VPS13D: variants seen among roughly 807,000 people sequenced by gnomAD.
VPS13D encodes the protein vacuolar protein sorting 13 homolog D, also known as intermembrane lipid transfer protein VPS13D.
In VPS13D, 187 loss-of-function variants were observed where a neutral mutation model predicts 461.9. That is an observed-to-expected ratio of 0.40 (90% CI 0.36 to 0.46). VPS13D has a LOEUF of 0.46. Ranked by LOEUF, VPS13D falls within the 20% of genes least tolerant of loss-of-function variation. The probability of loss-of-function intolerance (pLI) is 0.60; values close to 1 mark genes in which losing one functional copy is unlikely to be tolerated. For missense variants in VPS13D, 4,711 were observed against 5,364.9 expected, an observed-to-expected ratio of 0.88 and a Z score of 3.81; for synonymous variants, 1,951 against 1,986.3, an observed-to-expected ratio of 0.98 and a Z score of 0.47.
In VPS13D at chr1:12,510,503, C is replaced by G. The variant is rs1029459131; in HGVS notation, c.*1479C>G. 2 of 152,188 alleles carry G rather than the reference C, an allele frequency of 1.3e-5. No homozygotes were observed. Among genetic ancestry groups the G allele is most frequent in the African/African-American group, 4.9e-5 (2 of 41,190 alleles). The allele number at this position is 152,188 out of a possible 1,614,324, so 9.4% of individuals were successfully genotyped here. On this transcript the variant is annotated 3_prime_UTR_variant, in exon 70 of 70. Coordinates refer to ENST00000620676, the MANE Select transcript of VPS13D (RefSeq NM_015378.4). The stretch of plus-strand genomic sequence containing the variant: ...TCTTCTTCCCCTCCCTTTCCTCTCC[C>G]ACTTCCCCTCTGTGTCTGTGTCTGT...
chr1:12,450,470 T>A (rs1645248527), intron 65 of VPS13D, among the ~76,000 whole-genome samples: 1 of 152,200 alleles, frequency 6.6e-6, no homozygotes, highest in African/African-American at 2.4e-5. Flanking sequence ...TAACTTACAA[T>A]TTTTTGACTT....
chr1:12,243,444 T>A (rs1640445284), intron 3 of VPS13D, among the ~76,000 whole-genome samples: 1 of 152,150 alleles, frequency 6.6e-6, no homozygotes, highest in Non-Finnish European at 1.5e-5. Flanking sequence ...CTTGGCTAAA[T>A]TTCTGAATTT....
At chr1:12,232,753 T>C (rs1371146223) in intron 1 of VPS13D, among the ~76,000 whole-genome samples, 1 of 151,074 alleles carries the variant, frequency 6.6e-6, no homozygotes, top group Non-Finnish European at 1.5e-5. Flanking sequence ...TTCTGGAGTT[T>C]GGGGTTTGTA....
intron 36 of VPS13D, among the ~76,000 whole-genome samples, chr1:12,328,986 T>A (rs1334901516): frequency 6.6e-6 from 1 of 152,220 alleles, no homozygotes; most frequent in African/African-American, 2.4e-5. Context: ...TTACAGAGCT[T>A]GCCCTTTCCC....
chr1:12,284,848 G>C (rs1217370488), intron 21 of VPS13D, among the ~76,000 whole-genome samples: 1 of 152,240 alleles, frequency 6.6e-6, no homozygotes, highest in East Asian at 1.9e-4. Flanking sequence ...CTTGTTCAGT[G>C]TCTGGTGAAT....
chr1:12,424,845 G>C (rs1281688177), intron 65 of VPS13D, among the ~76,000 whole-genome samples: 2 of 152,104 alleles, frequency 1.3e-5, no homozygotes, highest in Non-Finnish European at 2.9e-5. Context: ...CAAAACTGGA[G>C]CCTGTGTGGT....
At chr1:12,258,578 G>A (rs1339816717) in intron 10 of VPS13D, among the ~76,000 whole-genome samples, 1 of 152,222 alleles carries the variant, frequency 6.6e-6, no homozygotes, top group East Asian at 1.9e-4. Context: ...TCATGTTTTA[G>A]TTAATAGTAG....
Position 12,273,049 on chromosome 1 carries a change from A to G in VPS13D, c.2150A>G (p.Gln717Arg). 6.2e-7 allele frequency: 1 copy of G among 1,614,120 alleles called. No homozygotes were observed. Among genetic ancestry groups the G allele is most frequent in the Non-Finnish European group, 8.5e-7 (1 of 1,179,986 alleles). The stretch of plus-strand genomic sequence containing the variant: ...GTGCGGCTGGATATTTCTGCCCCTC[A>G]GGTGATATTTCCTGATGATTTCAAA... ...WTVRLDISAP[Q>R]VIFPDDFKFK... Residue 717 changes from glutamine to arginine, a missense_variant, in exon 18 of 70, where the codon CAG becomes CGG. Around this residue, in one of 3 missense-constraint regions of VPS13D, gnomAD observed 4,411 missense variants for 4,937.8 expected, o/e 0.89. Transcript: ENST00000620676.
chr1:12,272,696 C>T (rs1369331624), intron 17 of VPS13D, among the ~76,000 whole-genome samples: 1 of 152,090 alleles, frequency 6.6e-6, no homozygotes, highest in Non-Finnish European at 1.5e-5. Context: ...TATTTGAATT[C>T]TATAATTTCT....
intron 57 of VPS13D, 83 bp downstream of exon 57, chr1:12,379,679 G>T: frequency 1.1e-6 from 1 of 951,604 alleles, no homozygotes; most frequent in East Asian, 2.7e-5. Context: ...TATACATGAT[G>T]AATTGTTCAG....
At chr1:12,480,753 A>T (rs1394807906) in intron 67 of VPS13D, among the ~76,000 whole-genome samples, 2 of 152,176 alleles carry the variant, frequency 1.3e-5, no homozygotes, top group African/African-American at 2.4e-5. Flanking sequence ...ACTAACTGGG[A>T]TTTATGGAAA....
Position 12,276,053 on chromosome 1 carries a change from T to C in VPS13D, c.2465T>C (p.Met822Thr), listed in dbSNP as rs774366657. Residue 822 changes from methionine (M) to threonine (T), a missense_variant, in exon 19 of 70, where the codon ATG becomes ACG. This residue lies in a region of VPS13D where 4,411 missense variants were observed against 4,937.8 expected (regional missense o/e 0.89). Transcript: ENST00000620676. The surrounding 1 kb of genome is among the most constrained non-coding windows in gnomAD (Gnocchi z 4.5). ...KMYERYSLSF[M>T]DLQIMVGRVK... Reference sequence around the variant, plus strand: ...TATGAGAGGTACTCGCTGTCATTTATGGACCTCCAGATCATGGTTGGACGA... The same window carrying C: ...TATGAGAGGTACTCGCTGTCATTTACGGACCTCCAGATCATGGTTGGACGA... 6.2e-7 allele frequency: 1 copy of C among 1,614,170 alleles called. No individual in the cohort carries two copies. Among genetic ancestry groups the C allele is most frequent in the Non-Finnish European group, 8.5e-7 (1 of 1,180,036 alleles).
intron 52 of VPS13D, among the ~76,000 whole-genome samples, chr1:12,365,680 G>C (rs1360474296): frequency 6.6e-6 from 1 of 151,010 alleles, no homozygotes; most frequent in Non-Finnish European, 1.5e-5. Flanking sequence ...CTCTAGCCTG[G>C]GTGACAGAGT....
intron 39 of VPS13D, 153 bp from the exon 40 acceptor site, chr1:12,338,078 G>A (rs753708603): frequency 4.9e-6 from 3 of 612,180 alleles, no homozygotes; most frequent in South Asian, 4.3e-5. Flanking sequence ...TACATTCGTA[G>A]TGCTTAGTAA....
Position 12,230,135 on chromosome 1 carries a change from G to T in VPS13D, c.-77+15G>T, listed in dbSNP as rs1486240741. The T allele has an allele frequency of 3.9e-5, 6 of 151,916 alleles. No homozygotes were observed. The highest frequency in any genetic ancestry group is 6.6e-5 in the Admixed American group (1 of 15,252). 9.4% of individuals were successfully genotyped at this position (151,916 alleles called of 1,614,324 possible). The stretch of plus-strand genomic sequence containing the variant: ...GACACCGACAGGTAGGGGCCGAGCG[G>T]CTCCGTGCCGGGCGGGGCCAGGGTC... On this transcript the variant is annotated intron_variant, in intron 1 of 69. Coordinates refer to ENST00000620676, the MANE Select transcript of VPS13D (RefSeq NM_015378.4).
In VPS13D at chr1:12,244,043, A is replaced by G. The variant is rs1220623173; in HGVS notation, c.176-203A>G. On this transcript the variant is annotated intron_variant, in intron 3 of 69. Transcript: ENST00000620676. ...TCTTCGCGAACTTTTTCCAGCTTATATAAGTCATTATACCTTATTCTTACA... is the reference window on the plus strand; with the variant it reads ...TCTTCGCGAACTTTTTCCAGCTTATGTAAGTCATTATACCTTATTCTTACA... Among the ~76,000 whole-genome samples the G allele has an allele frequency of 3.3e-5, 5 of 152,202 alleles. No homozygotes were observed. In the East Asian group the frequency reaches 7.7e-4, roughly 23 times the overall value.
Position 12,463,594 on chromosome 1 carries a change from A to C in VPS13D, c.12662+3198A>C, listed in dbSNP as rs186421117. 6.2e-4 allele frequency among the ~76,000 whole-genome samples: 95 copies of C among 152,114 alleles called. No homozygotes were observed. The East Asian group carries it at 0.013, about 21-fold the overall frequency. On this transcript the variant is annotated intron_variant, in intron 67 of 69. Coordinates refer to ENST00000620676, the MANE Select transcript of VPS13D (RefSeq NM_015378.4). ...AATGCCCCCATCTCTTACAAAAAAA[A>C]AAACAAACCTGGATATGGTGGCGGG...
intron 65 of VPS13D, among the ~76,000 whole-genome samples, chr1:12,442,834 C>T (rs897210458): frequency 1.3e-5 from 2 of 151,914 alleles, no homozygotes; most frequent in African/African-American, 2.4e-5. Context: ...AGTCATCCTC[C>T]CACCTCGGCC....
chr1:12,455,956 C>G, intron 65 of VPS13D, 42 bp from the exon 66 acceptor site: 2 of 1,559,336 alleles, frequency 1.3e-6, no homozygotes, highest in African/African-American at 1.4e-5. Context: ...AAAAATAGTG[C>G]CAAGACTTTA....
Sources: gnomAD v4.1 joint callset for allele counts (sites outside exome capture counted in the v4.1 genomes callset) on GRCh38, gnomAD v4.1.1 for gene constraint, gnomAD v4.1.1 regional missense constraint, Gnocchi (gnomAD v3.1) non-coding constraint, MANE v1.5 for transcripts, NCBI Gene and HGNC (gene_info 2026-07-23, HGNC 2026-07-21) for gene names.